Variants in PIKFYVE observed in about 807,000 individuals in gnomAD.
PIKFYVE encodes 1-phosphatidylinositol 3-phosphate 5-kinase.
PIKFYVE carries 122 observed loss-of-function variants against 257.9 expected under a neutral mutation model. The ratio of observed to expected loss-of-function variants is 0.47; its 90% CI spans 0.41 to 0.55. The LOEUF (loss-of-function observed/expected upper bound fraction) is 0.55, where lower values mean the gene tolerates loss of function less well. Ranked by LOEUF, PIKFYVE falls within the 20% of genes least tolerant of loss-of-function variation. The pLI is 0.00. For synonymous variants in PIKFYVE, 892 were observed against 868.9 expected, an observed-to-expected ratio of 1.03 and a Z score of -0.47; for missense variants, 2,160 against 2,536.6, an observed-to-expected ratio of 0.85 and a Z score of 3.19.
chr2:208,329,863 T>C lies in PIKFYVE; in HGVS notation c.3741T>C (p.Tyr1247=). Residue 1247 remains tyrosine (Y), a synonymous_variant, in exon 22 of 42, where the codon TAT becomes TAC. Transcript: ENST00000264380. ...TTAGGATTGTAACAATGGAATTTTATGGAAAGAATGATCTTACATTAGGAA... is the reference window on the plus strand; with the variant it reads ...TTAGGATTGTAACAATGGAATTTTACGGAAAGAATGATCTTACATTAGGAA... ...VSPWIVTMEF[Y]GKNDLTLGIF... is the part of the protein sequence containing the mutation. 6.2e-7 allele frequency: 1 copy of C among 1,610,786 alleles called. No individual in the cohort carries two copies. Among genetic ancestry groups the C allele is most frequent in the Non-Finnish European group, 8.5e-7 (1 of 1,177,716 alleles).
At chr2:208,345,234 T>C (rs1382323635) in intron 33 of PIKFYVE, 40 bp downstream of exon 33, 2 of 1,486,054 alleles carry the variant, frequency 1.3e-6, no homozygotes, top group East Asian at 2.3e-5. Context: ...AATTTAGTTA[T>C]GTTATCATTT....
At chr2:208,273,373 G>A (rs941353906) in intron 2 of PIKFYVE, among the ~76,000 whole-genome samples, 1 of 152,106 alleles carries the variant, frequency 6.6e-6, no homozygotes. Context: ...TGAGGTGGGA[G>A]GATTGCTTGA....
chr2:208,325,344 T>G lies in PIKFYVE; in HGVS notation c.2533T>G (p.Ser845Ala). ...CTGTACAATCAAGCTAAGAGGAGGC[T>G]CTGATTATGAGCTGGCTCGAGTTAA... Reference protein sequence around the residue: ...LGCTIKLRGGSDYELARVKEI... With the variant: ...LGCTIKLRGGADYELARVKEI... Residue 845 changes from serine to alanine, a missense_variant, in exon 20 of 42, where the codon TCT becomes GCT. Physicochemically the swap from Ser to Ala is moderately conservative, Grantham distance 99 (BLOSUM62 1). Coordinates refer to ENST00000264380, the MANE Select transcript of PIKFYVE (RefSeq NM_015040.4). 2 of 1,614,108 alleles carry G rather than the reference T, an allele frequency of 1.2e-6. No individual in the cohort carries two copies. Among genetic ancestry groups the G allele is most frequent in the Non-Finnish European group, 1.7e-6 (2 of 1,179,988 alleles).
At chr2:208,320,455 T>A in intron 17 of PIKFYVE, 96 bp downstream of exon 17, 1 of 1,473,890 alleles carries the variant, frequency 6.8e-7, no homozygotes, top group Non-Finnish European at 9.4e-7. Context: ...TCTAGCTAAT[T>A]AAATTGGATA....
At chr2:208,323,888 G>T (rs1696602239) in intron 17 of PIKFYVE, among the ~76,000 whole-genome samples, 1 of 152,174 alleles carries the variant, frequency 6.6e-6, no homozygotes, top group Admixed American at 6.5e-5. Flanking sequence ...TCATGTGTCT[G>T]TTGGGTGCAT....
intron 1 of PIKFYVE, among the ~76,000 whole-genome samples, chr2:208,267,736 A>C (rs1688842718): frequency 6.6e-6 from 1 of 151,946 alleles, no homozygotes; most frequent in African/African-American, 2.4e-5. Context: ...TGAATTCCTG[A>C]CCTCAGGCGA....
Position 208,339,463 on chromosome 2 carries a change from C to G in PIKFYVE, c.4718C>G (p.Ser1573Cys), listed in dbSNP as rs1698494517. 3 of 1,614,158 alleles carry G rather than the reference C, an allele frequency of 1.9e-6. No homozygotes were observed. The highest frequency in any genetic ancestry group is 2.5e-6 in the Non-Finnish European group (3 of 1,180,022). The change falls in exon 30 of 42, where the codon TCT becomes TGT. Residue 1573 changes from serine (S) to cysteine (C), a missense_variant. Ser to Cys is a moderately radical substitution (Grantham distance 112). Transcript: ENST00000264380. ...TTLSSQSSTS[S>C]THLQLPTPPE... ...TTGTCCAGCCAGAGCTCCACCAGTT[C>G]TACTCATCTCCAATTGCCTACGCCA...
Position 208,343,552 on chromosome 2 carries a change from C to T in PIKFYVE, c.5027+903C>T, listed in dbSNP as rs73983754. 6.5e-3 allele frequency among the ~76,000 whole-genome samples: 995 copies of T among 152,234 alleles called. 12 individuals are homozygous for T. Among genetic ancestry groups the T allele is most frequent in the African/African-American group, 0.023 (941 of 41,544 alleles). The stretch of plus-strand genomic sequence containing the variant: ...AGCCACAGTAAGAGATGAACAACAA[C>T]AATAAGATAGGACAGTTTTATAATA... On this transcript the variant is annotated intron_variant, in intron 32 of 41. Transcript: ENST00000264380.
intron 23 of PIKFYVE, among the ~76,000 whole-genome samples, chr2:208,332,386 T>C (rs1315235757): frequency 6.6e-6 from 1 of 152,206 alleles, no homozygotes; most frequent in Non-Finnish European, 1.5e-5. Context: ...TGCACTTGTT[T>C]TGGAAGATAA....
chr2:208,355,452 A>G lies in PIKFYVE; in HGVS notation c.*147A>G, dbSNP rs997393518. ...TCTGTGGCTGTTTAGACTGTCCGTA[A>G]TGGAATGGTAAAACTCCATGAATTT... On this transcript the variant is annotated 3_prime_UTR_variant, in exon 42 of 42. Coordinates refer to ENST00000264380, the MANE Select transcript of PIKFYVE (RefSeq NM_015040.4). 1 of 649,760 alleles carries G rather than the reference A, an allele frequency of 1.5e-6. No homozygotes were observed. The highest frequency in any genetic ancestry group is 1.9e-5 in the South Asian group (1 of 52,964). The allele number at this position is 649,760 out of a possible 1,614,324, so 40.2% of individuals were successfully genotyped here.
Position 208,271,680 on chromosome 2 carries a change from G to C in PIKFYVE, c.161G>C (p.Arg54Pro), listed in dbSNP as rs377663312. The C allele has an allele frequency of 2.5e-6, 4 of 1,613,030 alleles. No individual in the cohort carries two copies. The highest frequency in any genetic ancestry group is 3.4e-6 in the Non-Finnish European group (4 of 1,179,164). Residue 54 changes from arginine to proline, a missense_variant, in exon 2 of 42, where the codon CGT becomes CCT. By Grantham distance (103) the Arg-to-Pro change is moderately radical. This residue lies in a region of PIKFYVE where 172 missense variants were observed against 180.6 expected (regional missense o/e 0.95). Transcript: ENST00000264380. ...SAYSSFVNLFRFNKERAEGGQ... is the reference protein window; with the variant it reads ...SAYSSFVNLFPFNKERAEGGQ... ...TATAGTTCTTTTGTAAATCTCTTTC[G>C]TTTTAACAAAGGTAAGACTTATTAA...
chr2:208,354,360 A>T (rs922758862), intron 40 of PIKFYVE, among the ~76,000 whole-genome samples: 10 of 152,238 alleles, frequency 6.6e-5, no homozygotes, highest in South Asian at 2.1e-4. Context: ...TATGTGAATT[A>T]AAAAAGTCAC....
chr2:208,289,114 T>G (rs1691961607), intron 7 of PIKFYVE, among the ~76,000 whole-genome samples: 1 of 152,030 alleles, frequency 6.6e-6, no homozygotes, highest in African/African-American at 2.4e-5. Flanking sequence ...TGTGGAGGAG[T>G]GTCCCAAGAA....
At chr2:208,293,241 CA>C (rs1261053562) in intron 7 of PIKFYVE, among the ~76,000 whole-genome samples, 3 of 152,038 alleles carry the variant, frequency 2.0e-5, no homozygotes, top group Non-Finnish European at 4.4e-5. Flanking sequence ...TACTGGCATT[CA>C]TTTCACTTAC....
In PIKFYVE at chr2:208,330,507, C is replaced by A. The variant is rs1323895978; in HGVS notation, c.3792-16C>A. 6.2e-7 allele frequency: 1 copy of A among 1,613,792 alleles called. No individual in the cohort carries two copies. On this transcript the variant is annotated splice_polypyrimidine_tract_variant and intron_variant, in intron 22 of 41. Coordinates refer to ENST00000264380, the MANE Select transcript of PIKFYVE (RefSeq NM_015040.4). ...TTTCATGCTTAATGTGAGAAGGGCT[C>A]TTTTGTTTGTCAAAGGCCTTCTTAT...
chr2:208,281,918 A>C (rs1690865474), intron 5 of PIKFYVE, among the ~76,000 whole-genome samples: 1 of 152,162 alleles, frequency 6.6e-6, no homozygotes, highest in South Asian at 2.1e-4. Flanking sequence ...TTAGCACTGA[A>C]CCTGCAGGAG....
Position 208,355,529 on chromosome 2 carries a change from T to C in PIKFYVE, c.*224T>C, listed in dbSNP as rs1405556042. The C allele has an allele frequency of 2.1e-6, 1 of 471,520 alleles. No homozygotes were observed. The highest frequency in any genetic ancestry group is 2.0e-5 in the African/African-American group (1 of 50,896). The allele number at this position is 471,520 out of a possible 1,614,324, so 29.2% of individuals were successfully genotyped here. A position where few individuals can be genotyped will look rare whatever the true frequency, so the allele number is the denominator to read the frequency against. On this transcript the variant is annotated 3_prime_UTR_variant, in exon 42 of 42. Coordinates refer to ENST00000264380, the MANE Select transcript of PIKFYVE (RefSeq NM_015040.4). ...GCTGTCTGTAGGTTGGGAAGTGGCA[T>C]GAAAATTTTCTTAAGCTAAAATACA...
chr2:208,350,708 G>T lies in PIKFYVE; in HGVS notation c.5435-63G>T, dbSNP rs557294308. ...TTTGGCCAGGGTAGGGAGTGAGGGAGCGGAGGAGGAAAGATATTTTCTGAG... is the reference window on the plus strand; with the variant it reads ...TTTGGCCAGGGTAGGGAGTGAGGGATCGGAGGAGGAAAGATATTTTCTGAG... On this transcript the variant is annotated intron_variant, in intron 36 of 41. Transcript: ENST00000264380. 36 of 1,564,866 alleles carry T rather than the reference G, an allele frequency of 2.3e-5. No individual in the cohort carries two copies. In the South Asian group the frequency reaches 3.3e-4, roughly 14 times the overall value.
chr2:208,324,225 G>C lies in PIKFYVE; in HGVS notation c.2274G>C (p.Arg758=). 1 of 1,613,986 alleles carries C rather than the reference G, an allele frequency of 6.2e-7. No individual in the cohort carries two copies. Among genetic ancestry groups the C allele is most frequent in the Non-Finnish European group, 8.5e-7 (1 of 1,179,918 alleles). The change falls in exon 18 of 42, where the codon CGG becomes CGC. Residue 758 remains arginine, a synonymous_variant. Transcript: ENST00000264380. ...TTCTTGTTGAGAAAACAGTGTCTCG[G>C]ATTGCCCAGGACATGTTATTGGAAC... ...TLVLVEKTVS[R]IAQDMLLEHG...
Sources: allele counts gnomAD v4.1 joint callset (sites outside exome capture counted in the v4.1 genomes callset), GRCh38; gene constraint gnomAD v4.1.1; regional missense constraint gnomAD v4.1.1; transcripts MANE v1.5; gene names NCBI Gene and HGNC (gene_info 2026-07-23, HGNC 2026-07-21).